The following SCCPDH variants were observed in gnomAD, a reference collection of about 807,000 sequenced individuals.
SCCPDH encodes the protein saccharopine dehydrogenase (putative).
In SCCPDH, 34 loss-of-function variants were observed where a neutral mutation model predicts 51.5. That is an observed-to-expected ratio of 0.66 (90% CI 0.50 to 0.88). The LOEUF (loss-of-function observed/expected upper bound fraction) is 0.88, where lower values mean the gene tolerates loss of function less well. Among genes scored for constraint, SCCPDH ranks in the 40% least tolerant of loss-of-function variants. The pLI is 0.00. For missense variants in SCCPDH, 464 were observed against 527.1 expected (o/e 0.88, Z 1.17); for synonymous variants, 187 against 191.3 (o/e 0.98, Z 0.19).
At chr1:246,739,734 C>T (rs1668649914) in intron 3 of SCCPDH, among the ~76,000 whole-genome samples, 1 of 152,100 alleles carries the variant, frequency 6.6e-6, no homozygotes, top group South Asian at 2.1e-4. Flanking sequence ...TAAAAACAGG[C>T]AGAAGAGCAG....
chr1:246,761,918 A>G (rs1669021794), intron 9 of SCCPDH, among the ~76,000 whole-genome samples: 1 of 152,224 alleles, frequency 6.6e-6, no homozygotes, highest in South Asian at 2.1e-4. Context: ...CAGAAATGGA[A>G]TGCTAGACCG....
chr1:246,741,607 G>C (rs186266318), intron 4 of SCCPDH, among the ~76,000 whole-genome samples: 1 of 152,132 alleles, frequency 6.6e-6, no homozygotes, highest in East Asian at 1.9e-4. Flanking sequence ...TCATCCAGTG[G>C]CATTTTAGAA....
At chr1:246,745,326 A>G (rs1265523869) in intron 5 of SCCPDH, among the ~76,000 whole-genome samples, 1 of 152,264 alleles carries the variant, frequency 6.6e-6, no homozygotes, top group African/African-American at 2.4e-5. Context: ...GTTCTAAATT[A>G]TATTCATTCA....
At chr1:246,750,792 T>C (rs2102987443) in intron 5 of SCCPDH, among the ~76,000 whole-genome samples, 1 of 152,366 alleles carries the variant, frequency 6.6e-6, no homozygotes, top group South Asian at 2.1e-4. Context: ...AGACGACCAA[T>C]TGGAGGCATC....
rs139717178 is a variant in SCCPDH at position 246,740,956 on chromosome 1, T to G, written c.514+655T>G. Reference sequence around the variant, plus strand: ...TTAGCCAGGTGTGGTGGTGCACACCTGTAGTCAGTCCCAGCTCCTCAGGAG... The same window carrying G: ...TTAGCCAGGTGTGGTGGTGCACACCGGTAGTCAGTCCCAGCTCCTCAGGAG... On this transcript the variant is annotated intron_variant, in intron 4 of 11. Transcript: ENST00000366510. Among the ~76,000 whole-genome samples the G allele has an allele frequency of 5.3e-3, 809 of 152,148 alleles. 8 individuals carry two copies. Among genetic ancestry groups the G allele is most frequent in the African/African-American group, 0.019 (780 of 41,520 alleles).
rs116381224 is a variant in SCCPDH at position 246,764,825 on chromosome 1, G to A, written c.1102+468G>A. On this transcript the variant is annotated intron_variant, in intron 10 of 11. Transcript: ENST00000366510. The stretch of plus-strand genomic sequence containing the variant: ...AAAGAATGTTGCCCAAAACGTTCAA[G>A]AACTTTTGCTGTACATTTTACAGAA... 4.7e-3 allele frequency among the ~76,000 whole-genome samples: 723 copies of A among 152,374 alleles called. 5 individuals are homozygous for A. Among genetic ancestry groups the A allele is most frequent in the Non-Finnish European group, 7.5e-3 (511 of 68,040 alleles).
chr1:246,736,677 C>T (rs1037837664), intron 3 of SCCPDH, among the ~76,000 whole-genome samples: 9 of 151,122 alleles, frequency 6.0e-5, no homozygotes, highest in South Asian at 4.2e-4. Context: ...CTCCAGCCTG[C>T]GCCACAGAGC....
rs529088598 is a variant in SCCPDH at position 246,724,522 on chromosome 1, C to G, written c.100C>G (p.Pro34Ala). The change falls in exon 1 of 12, where the codon CCG becomes GCG. Residue 34 changes from proline to alanine, a missense_variant. Physicochemically the swap from Pro to Ala is conservative, Grantham distance 27. Coordinates refer to ENST00000366510, the MANE Select transcript of SCCPDH (RefSeq NM_016002.3). ...GGAGGTGGCCCGGGAGCAGGTGGAC[C>G]CGGAGCGGAGCTCCCGCCTGCCCTG... ...TEEVAREQVD[P>A]ERSSRLPWAV... 74 of 1,554,436 alleles carry G rather than the reference C, an allele frequency of 4.8e-5. No individual in the cohort carries two copies. In the South Asian group the frequency reaches 6.9e-4, roughly 14 times the overall value.
chr1:246,765,499 G>T (rs138527970), intron 10 of SCCPDH, among the ~76,000 whole-genome samples: 1 of 152,270 alleles, frequency 6.6e-6, no homozygotes, highest in East Asian at 1.9e-4. Context: ...TATTTGACAG[G>T]ATTATAAATG....
chr1:246,752,461 T>C (rs1475929531), intron 5 of SCCPDH, among the ~76,000 whole-genome samples: 7 of 152,060 alleles, frequency 4.6e-5, no homozygotes, highest in Non-Finnish European at 1.0e-4. Context: ...CTGGCTTCTT[T>C]ACAGGCAGAA....
chr1:246,761,182 TC>T (rs1426409614), intron 9 of SCCPDH, among the ~76,000 whole-genome samples: 4 of 151,884 alleles, frequency 2.6e-5, no homozygotes, highest in Non-Finnish European at 5.9e-5. Flanking sequence ...ACAAGGCTAA[TC>T]CCCCGCCTGT....
At position 246,758,411 on chromosome 1, in the gene SCCPDH, G is replaced by A. The variant is rs1668963046; in HGVS notation, c.695+55G>A. 4.5e-5 allele frequency: 60 copies of A among 1,345,888 alleles called. 1 individual carries two copies. In the South Asian group the frequency reaches 9.1e-4, roughly 20 times the overall value. The allele number at this position is 1,345,888 out of a possible 1,614,324, so 83.4% of individuals were successfully genotyped here. A position where few individuals can be genotyped will look rare whatever the true frequency, so the allele number is the denominator to read the frequency against. ...TATCTAGTCTAAGTATATTGTTGTTGGGTTGGCTATTAATAAAGTATGTTA... is the reference window on the plus strand; with the variant it reads ...TATCTAGTCTAAGTATATTGTTGTTAGGTTGGCTATTAATAAAGTATGTTA... On this transcript the variant is annotated intron_variant, in intron 6 of 11. Transcript: ENST00000366510.
rs1572295890 is a variant in SCCPDH at position 246,738,654 on chromosome 1, A to C, written c.385-1518A>C. Among the ~76,000 whole-genome samples the C allele has an allele frequency of 2.6e-5, 4 of 152,250 alleles. No individual in the cohort carries two copies. The East Asian group carries it at 7.7e-4, about 29-fold the overall frequency. Reference sequence around the variant, plus strand: ...TGGATCACCTGAGGTCAGGAGTTTGAGACCAGCCTGACCAACATGGAGAAA... The same window carrying C: ...TGGATCACCTGAGGTCAGGAGTTTGCGACCAGCCTGACCAACATGGAGAAA... On this transcript the variant is annotated intron_variant, in intron 3 of 11. Transcript: ENST00000366510.
At chr1:246,734,740 T>A (rs1321351769) in intron 2 of SCCPDH, among the ~76,000 whole-genome samples, 2 of 152,252 alleles carry the variant, frequency 1.3e-5, no homozygotes, top group African/African-American at 4.8e-5. Context: ...TTCCATCTTT[T>A]GCTGCCAGGA....
intron 2 of SCCPDH, among the ~76,000 whole-genome samples, chr1:246,729,110 C>T (rs1385597227): frequency 1.3e-5 from 2 of 152,112 alleles, no homozygotes; most frequent in Non-Finnish European, 2.9e-5. Flanking sequence ...TCACAGAGAT[C>T]ACATGCTTCA....
At chr1:246,741,123 A>G (rs1668670122) in intron 4 of SCCPDH, among the ~76,000 whole-genome samples, 1 of 152,056 alleles carries the variant, frequency 6.6e-6, no homozygotes. Flanking sequence ...AAAACAAAAA[A>G]CAAAACTGAA....
At chr1:246,759,254 A>G (rs1668977735) in intron 7 of SCCPDH, 103 bp downstream of exon 7, 1 of 696,332 alleles carries the variant, frequency 1.4e-6, no homozygotes. Context: ...GGAAGAGCTA[A>G]GTAATACATG....
intron 4 of SCCPDH, 115 bp downstream of exon 4, chr1:246,740,416 G>T (rs190018679): frequency 1.5e-5 from 13 of 846,068 alleles, no homozygotes; most frequent in Non-Finnish European, 2.3e-5. Flanking sequence ...CCATAAATGG[G>T]TAATATTAAA....
intron 5 of SCCPDH, among the ~76,000 whole-genome samples, chr1:246,750,798 G>T (rs1405765855): frequency 1.3e-5 from 2 of 152,236 alleles, no homozygotes; most frequent in African/African-American, 4.8e-5. Context: ...CCAATTGGAG[G>T]CATCTCTGTG....
Sources: allele counts gnomAD v4.1 joint callset (sites outside exome capture counted in the v4.1 genomes callset), GRCh38; gene constraint gnomAD v4.1.1; transcripts MANE v1.5; gene names NCBI Gene and HGNC (gene_info 2026-07-23, HGNC 2026-07-21).